The following DGKB variants were observed in gnomAD, a reference collection of about 807,000 sequenced individuals.
DGKB encodes 90 kDa diacylglycerol kinase.
In DGKB, 67 loss-of-function variants were observed where a neutral mutation model predicts 114.3. The observed-to-expected ratio is 0.59, with a 90% CI of 0.48 to 0.72. The LOEUF is 0.72. Among genes scored for constraint, DGKB ranks in the 30% least tolerant of loss-of-function variants. The probability of loss-of-function intolerance (pLI) is 0.00; values close to 1 mark genes in which losing one functional copy is unlikely to be tolerated. For synonymous variants in DGKB, 398 were observed against 323.1 expected, an observed-to-expected ratio of 1.23 and a Z score of -2.49; for missense variants, 907 against 975.2, an observed-to-expected ratio of 0.93 and a Z score of 0.93.
At chr7:14,263,323 G>A (rs112250691) in intron 23 of DGKB, among the ~76,000 whole-genome samples, 17 of 152,128 alleles carry the variant, frequency 1.1e-4, no homozygotes, top group Admixed American at 3.3e-4. Flanking sequence ...TATAGCTATA[G>A]CTCTCTTTAA....
At chr7:14,488,765 T>C (rs80338168) in intron 20 of DGKB, among the ~76,000 whole-genome samples, 277 of 150,904 alleles carry the variant, frequency 1.8e-3, no homozygotes, top group African/African-American at 6.2e-3. Flanking sequence ...GAGGAGGAGA[T>C]TGCAGTGAGC....
At chr7:14,739,001 A>T (rs1332878860) in intron 4 of DGKB, among the ~76,000 whole-genome samples, 2 of 152,262 alleles carry the variant, frequency 1.3e-5, no homozygotes. Context: ...CAAAGAATTT[A>T]TCTGCTCTTT....
At chr7:14,755,767 T>C (rs1039893058) in intron 3 of DGKB, among the ~76,000 whole-genome samples, 24 of 152,162 alleles carry the variant, frequency 1.6e-4, no homozygotes, top group African/African-American at 5.5e-4. Context: ...GTTTTTTAAA[T>C]GGTTATATAA....
chr7:14,919,062 G>GCACACA (rs767285844), intron 1 of DGKB, among the ~76,000 whole-genome samples: 90 of 118,130 alleles, frequency 7.6e-4, no homozygotes, highest in Non-Finnish European at 1.3e-3. Context: ...TCCACCACAC[G>GCACACA]CACACACACA....
chr7:14,313,188 ACT>A (rs1260446286), intron 23 of DGKB, among the ~76,000 whole-genome samples: 2 of 152,160 alleles, frequency 1.3e-5, no homozygotes, highest in Admixed American at 6.5e-5. Context: ...TTAACATATC[ACT>A]CTTTTTCCCA....
intron 20 of DGKB, among the ~76,000 whole-genome samples, chr7:14,488,860 ACCC>A (rs1183691628): frequency 9.5e-4 from 100 of 105,102 alleles, no homozygotes; most frequent in African/African-American, 3.9e-3. Flanking sequence ...AACAAAAAAA[ACCC>A]AACAACAACA....
chr7:14,290,921 C>A, intron 23 of DGKB, among the ~76,000 whole-genome samples: 1 of 151,842 alleles, frequency 6.6e-6, no homozygotes, highest in East Asian at 1.9e-4. Context: ...GTGGGTGTAT[C>A]ACCTGAGCTC....
intron 21 of DGKB, among the ~76,000 whole-genome samples, chr7:14,415,006 A>T (rs886814184): frequency 3.8e-5 from 5 of 133,214 alleles, no homozygotes; most frequent in Admixed American, 1.6e-4. Flanking sequence ...AACAAAAAAT[A>T]AAAAAAAACC....
chr7:14,538,570 G>A (rs1351419327), intron 20 of DGKB, among the ~76,000 whole-genome samples: 1 of 151,970 alleles, frequency 6.6e-6, no homozygotes, highest in Non-Finnish European at 1.5e-5. Context: ...TGATAAAATA[G>A]TATAGAGATT....
intron 6 of DGKB, among the ~76,000 whole-genome samples, chr7:14,705,765 T>G (rs972518884): frequency 6.6e-6 from 1 of 151,720 alleles, no homozygotes; most frequent in Non-Finnish European, 1.5e-5. Flanking sequence ...AAGCAAATGC[T>G]AAGAGATTTT....
At chr7:14,722,452 T>C (rs1294077559) in intron 5 of DGKB, among the ~76,000 whole-genome samples, 2 of 152,214 alleles carry the variant, frequency 1.3e-5, no homozygotes, top group East Asian at 1.9e-4. Context: ...CTGAATAACA[T>C]TGCATTGTCT....
chr7:14,824,994 G>GTATA (rs201905687), intron 2 of DGKB, among the ~76,000 whole-genome samples: 10 of 120,796 alleles, frequency 8.3e-5, no homozygotes, highest in Admixed American at 1.8e-4. Flanking sequence ...ATATATGTGT[G>GTATA]TATATATATA....
chr7:14,711,632 G>A (rs10259838), intron 6 of DGKB, among the ~76,000 whole-genome samples: 81,697 of 151,864 alleles, frequency 0.54, 22,356 homozygotes, highest in East Asian at 0.87. Context: ...TGACTTAGAG[G>A]TCTTAGAAAT....
At chr7:14,434,488 G>T (rs1251479594) in intron 21 of DGKB, among the ~76,000 whole-genome samples, 4 of 152,080 alleles carry the variant, frequency 2.6e-5, no homozygotes, top group African/African-American at 4.8e-5. Flanking sequence ...GATGAGTTCA[G>T]CCTGGCGTTG....
rs907330849 is a variant in DGKB at position 14,383,521 on chromosome 7, T to C, written c.1836-38130A>G. ...CTTATGTGTTGGCTTTCCAGTGTCA[T>C]CAGGGGCCCAGATTCCTGTCTTTCT... On this transcript the variant is annotated intron_variant, in intron 21 of 25. Coordinates refer to ENST00000402815, the MANE Select transcript of DGKB (RefSeq NM_001350709.2). Among the ~76,000 whole-genome samples, 4 of 152,240 alleles carry C rather than the reference T, an allele frequency of 2.6e-5. No homozygotes were observed. The East Asian group carries it at 7.7e-4, about 29-fold the overall frequency.
At chr7:14,681,246 T>C (rs925584130) in intron 12 of DGKB, among the ~76,000 whole-genome samples, 1 of 152,074 alleles carries the variant, frequency 6.6e-6, no homozygotes, top group African/African-American at 2.4e-5. Flanking sequence ...CATTTTATTA[T>C]ACTAACCAAA....
rs1781006137 is a variant in DGKB at position 14,469,791 on chromosome 7, A to G, written c.1835+8370T>C. On this transcript the variant is annotated intron_variant, in intron 21 of 25. Transcript: ENST00000402815. ...TAGTAAATTATTTTAAAAGCTTTAC[A>G]TTAGGAATACACACATAGAAGAGCA... Among the ~76,000 whole-genome samples, 3 of 152,004 alleles carry G rather than the reference A, an allele frequency of 2.0e-5. No individual in the cohort carries two copies. The South Asian group carries it at 6.2e-4, about 31-fold the overall frequency.
At chr7:14,939,468 G>T (rs1483304379) in intron 1 of DGKB, among the ~76,000 whole-genome samples, 2 of 151,946 alleles carry the variant, frequency 1.3e-5, no homozygotes, top group African/African-American at 4.8e-5. Flanking sequence ...ATCTTGACCT[G>T]GCATTCTAAC....
intron 21 of DGKB, among the ~76,000 whole-genome samples, chr7:14,468,367 C>T (rs1780787613): frequency 6.6e-6 from 1 of 152,034 alleles, no homozygotes; most frequent in South Asian, 2.1e-4. Flanking sequence ...TGATGCTAAC[C>T]TAGGTGGCAG....
Sources: allele counts gnomAD v4.1 joint callset (sites outside exome capture counted in the v4.1 genomes callset), GRCh38; gene constraint gnomAD v4.1.1; transcripts MANE v1.5; gene names NCBI Gene and HGNC (gene_info 2026-07-23, HGNC 2026-07-21).